The following APOB variants were observed in gnomAD, a reference collection of about 807,000 sequenced individuals.
The protein encoded by APOB is apolipoprotein B, also known as apolipoprotein B-100.
Under a neutral mutation model 314.1 loss-of-function variants are expected in APOB, and 153 were observed. The ratio of observed to expected loss-of-function variants is 0.49; its 90% confidence interval spans 0.43 to 0.56. APOB has a LOEUF of 0.56. APOB is among the 20% of genes least tolerant of loss of function. The probability of loss-of-function intolerance (pLI) is 0.00; values close to 1 mark genes in which losing one functional copy is unlikely to be tolerated. For missense variants in APOB, 5,430 were observed against 5,350.7 expected, an observed-to-expected ratio of 1.01 and a Z score of -0.46; for synonymous variants, 2,087 against 2,036.4, an observed-to-expected ratio of 1.02 and a Z score of -0.67.
At position 21,043,949 on chromosome 2, in the gene APOB, C is replaced by T. The variant is rs1202461993; in HGVS notation, c.-4G>A. 3.8e-6 allele frequency: 5 copies of T among 1,306,370 alleles called. No individual in the cohort carries two copies. Among genetic ancestry groups the T allele is most frequent in the Non-Finnish European group, 4.9e-6 (5 of 1,021,448 alleles). The allele number at this position is 1,306,370 out of a possible 1,614,324, so 80.9% of individuals were successfully genotyped here. ...GCGCGGGCCTCGGCGGGTCCATCGC[C>T]AGCTGCGGTGGGGCGGCTCCTGGGC... is the stretch of plus-strand genomic sequence containing the variant. On this transcript the variant is annotated 5_prime_UTR_variant, in exon 1 of 29. Transcript: ENST00000233242.
chr2:21,015,540 T>A lies in APOB; in HGVS notation c.3338A>T (p.Asp1113Val). 6.8e-6 allele frequency: 11 copies of A among 1,612,692 alleles called. No homozygotes were observed. The highest frequency in any genetic ancestry group is 9.3e-6 in the Non-Finnish European group (11 of 1,180,004). The change falls in exon 22 of 29, where the codon GAC (aspartate) becomes GTC (valine). Residue 1113 changes from aspartate (D) to valine (V), a missense_variant. Physicochemically the swap from Asp to Val is radical, Grantham distance 152 (BLOSUM62 -3). This residue lies in a region of APOB where 2,085 missense variants were observed against 2,079.7 expected (regional missense o/e 1.00). Coordinates refer to ENST00000233242, the MANE Select transcript of APOB (RefSeq NM_000384.3). ...CTTGATTTTTCTTTCTTCCTTTGTGTCACAACTATGGTAAAGAAAATCAGT... is the reference window on the plus strand; with the variant it reads ...CTTGATTTTTCTTTCTTCCTTTGTGACACAACTATGGTAAAGAAAATCAGT... ...EVALMGHLSCDTKEERKIKGV... is the reference protein window; with the variant it reads ...EVALMGHLSCVTKEERKIKGV...
rs959712256 is a variant in APOB, at chr2:21,042,391, A to G, written c.207T>C (p.Asp69=). ...AGTTGATCCTGGTGGCACTTCTTGAATCAGCAGTCCCAGGGACTCCACTGG... is the reference window on the plus strand; with the variant it reads ...AGTTGATCCTGGTGGCACTTCTTGAGTCAGCAGTCCCAGGGACTCCACTGG... The part of the protein sequence containing the change: ...ESSSGVPGTA[D]SRSATRINCK... The change falls in exon 3 of 29, where the codon GAT becomes GAC. Residue 69 remains aspartate, a synonymous_variant. Transcript: ENST00000233242. 6.2e-7 allele frequency: 1 copy of G among 1,613,916 alleles called. No homozygotes were observed. Among genetic ancestry groups the G allele is most frequent in the Non-Finnish European group, 8.5e-7 (1 of 1,179,892 alleles).
chr2:21,042,968 C>G (rs1037187299), intron 2 of APOB, among the ~76,000 whole-genome samples: 1 of 149,798 alleles, frequency 6.7e-6, no homozygotes, highest in African/African-American at 2.5e-5. Flanking sequence ...GAGGAATTTT[C>G]TGAACAATTG....
intron 17 of APOB, 94 bp from the exon 18 acceptor site, chr2:21,023,136 T>A (rs1663655731): frequency 1.8e-6 from 2 of 1,131,642 alleles, no homozygotes; most frequent in South Asian, 2.5e-5. Flanking sequence ...GGGCAAAGAT[T>A]TCCTGGATAA....
rs1051902442 is a variant in APOB at position 21,026,955 on chromosome 2, C to T, written c.2077G>A (p.Glu693Lys). 3 of 1,614,012 alleles carry T rather than the reference C, an allele frequency of 1.9e-6. No homozygotes were observed. Among genetic ancestry groups the T allele is most frequent in the Admixed American group, 3.3e-5 (2 of 60,000 alleles). ...AATGTTGGCTCAAAGCCTTTTCCTT[C>T]CAAGCCAATCTGAGAAAGAAAATCA... The part of the protein sequence containing the change: ...ASADLIEIGL[E>K]GKGFEPTLEA... The change falls in exon 15 of 29, where the codon GAA (glutamate) becomes AAA (lysine). Residue 693 changes from glutamate to lysine, a missense_variant. Glu to Lys is a moderately conservative substitution (Grantham distance 56, BLOSUM62 1). This residue lies in a region of APOB where 2,085 missense variants were observed against 2,079.7 expected (regional missense o/e 1.00). Coordinates refer to ENST00000233242, the MANE Select transcript of APOB (RefSeq NM_000384.3).
At position 21,008,019 on chromosome 2, in the gene APOB, A is replaced by G. The variant is rs141591543; in HGVS notation, c.8849T>C (p.Ile2950Thr). Residue 2950 changes from isoleucine (I) to threonine (T), a missense_variant, in exon 26 of 29, where the codon ATA becomes ACA. By Grantham distance (89) the Ile-to-Thr change is moderately conservative. Transcript: ENST00000233242. ...GTHESQISFTIEGPLTSFGLS... is the reference protein window; with the variant it reads ...GTHESQISFTTEGPLTSFGLS... The stretch of plus-strand genomic sequence containing the variant: ...TCCAAAGGAAGTGAGGGGTCCTTCT[A>G]TGGTGAAACTAATTTGTGATTCATG... 2.4e-5 allele frequency: 38 copies of G among 1,614,044 alleles called. No homozygotes were observed. In the East Asian group the frequency reaches 3.8e-4, roughly 16 times the overall value.
chr2:21,036,649 C>T (rs900304906), intron 6 of APOB, among the ~76,000 whole-genome samples: 1 of 152,134 alleles, frequency 6.6e-6, no homozygotes, highest in African/African-American at 2.4e-5. Context: ...CACTCCACTT[C>T]ATGGGATGAG....
At position 21,029,853 on chromosome 2, in the gene APOB, A is replaced by G. The variant is rs551454521; in HGVS notation, c.1470+45T>C. 4.3e-6 allele frequency: 7 copies of G among 1,610,966 alleles called. No individual in the cohort carries two copies. In the African/African-American group the frequency reaches 9.3e-5, roughly 21 times the overall value. ...GAGGGAAGTAAAAGGTGTCCAGGAA[A>G]AGTGCTTCTGAAATGATGTATGTCA... On this transcript the variant is annotated intron_variant, in intron 11 of 28. Coordinates refer to ENST00000233242, the MANE Select transcript of APOB (RefSeq NM_000384.3).
chr2:21,027,748 G>T, intron 14 of APOB, 80 bp downstream of exon 14: 1 of 1,099,100 alleles, frequency 9.1e-7, no homozygotes, highest in Non-Finnish European at 1.4e-6. Flanking sequence ...TTTCCTCTGG[G>T]TAGCTCCTGG....
intron 23 of APOB, 29 bp downstream of exon 23, chr2:21,015,044 T>A (rs1033015724): frequency 6.2e-7 from 1 of 1,602,044 alleles, no homozygotes; most frequent in Non-Finnish European, 8.5e-7. Context: ...TATATCCATG[T>A]ATTTATTGAC....
At chr2:21,026,142 T>C (rs758294596) in intron 15 of APOB, among the ~76,000 whole-genome samples, 1 of 152,230 alleles carries the variant, frequency 6.6e-6, no homozygotes, top group Non-Finnish European at 1.5e-5. Flanking sequence ...CTGTTATTAG[T>C]AGTCTGGGAT....
chr2:21,015,685 C>A (rs1663447647), intron 21 of APOB, 140 bp from the exon 22 acceptor site: 1 of 910,406 alleles, frequency 1.1e-6, no homozygotes, highest in Non-Finnish European at 1.7e-6. Context: ...TCAAACTCAT[C>A]AACTTCTAAA....
intron 3 of APOB, among the ~76,000 whole-genome samples, chr2:21,042,149 A>T (rs1664146386): frequency 6.6e-6 from 1 of 152,170 alleles, no homozygotes; most frequent in African/African-American, 2.4e-5. Flanking sequence ...CTGACTTGCG[A>T]AATTTGGTGG....
At position 21,042,280 on chromosome 2, in the gene APOB, G is replaced by A. The variant is rs1470115620; in HGVS notation, c.237+81C>T. 4 of 996,050 alleles carry A rather than the reference G, an allele frequency of 4.0e-6. No homozygotes were observed. The East Asian group carries it at 7.1e-5, about 18-fold the overall frequency. The allele number at this position is 996,050 out of a possible 1,614,324, so 61.7% of individuals were successfully genotyped here. ...TTGCTCAGTACACACCCTCCGGGAAGGTCGCGTGTTGGGCGCCCGCTGGAA... is the reference window on the plus strand; with the variant it reads ...TTGCTCAGTACACACCCTCCGGGAAAGTCGCGTGTTGGGCGCCCGCTGGAA... On this transcript the variant is annotated intron_variant, in intron 3 of 28. Transcript: ENST00000233242.
At chr2:21,035,786 G>A in intron 6 of APOB, 78 bp from the exon 7 acceptor site, 3 of 1,417,316 alleles carry the variant, frequency 2.1e-6, no homozygotes, top group Non-Finnish European at 3.0e-6. Context: ...CAAGGTAGAA[G>A]GGAGCAGGAG....
Position 21,009,655 on chromosome 2 carries a change from T to C in APOB, c.7213A>G (p.Asn2405Asp), listed in dbSNP as rs755568177. ...GFIDDAVKKL[N>D]ELSFKTFIED... is the part of the protein sequence containing the mutation. ...ATGAATGTTTTAAAAGATAATTCAT[T>C]AAGCTTCTTGACAGCATCATCAATA... Residue 2405 changes from asparagine to aspartate, a missense_variant, in exon 26 of 29, where the codon AAT becomes GAT. Transcript: ENST00000233242. 3.1e-6 allele frequency: 5 copies of C among 1,613,374 alleles called. No individual in the cohort carries two copies. Among genetic ancestry groups the C allele is most frequent in the Non-Finnish European group, 4.2e-6 (5 of 1,179,646 alleles).
chr2:21,008,329 CA>C lies in APOB; in HGVS notation c.8538del (p.Phe2846LeufsTer28). 1.2e-6 allele frequency: 2 copies of C among 1,612,710 alleles called. No individual in the cohort carries two copies. The highest frequency in any genetic ancestry group is 1.7e-6 in the Non-Finnish European group (2 of 1,179,106). ...RTEHGSEMLF[F>X]GNAIEGKSNT... ...TTTGATTTTCCCTCAATAGCATTTC[CA>C]AAAAACAGCATTTCACTCCCATGCT... On this transcript the variant is annotated frameshift_variant, in exon 26 of 29. Transcript: ENST00000233242. LOFTEE classifies it high-confidence loss of function.
intron 13 of APOB, 113 bp from the exon 14 acceptor site, chr2:21,028,178 G>T: frequency 1.8e-6 from 2 of 1,140,732 alleles, no homozygotes; most frequent in Non-Finnish European, 2.7e-6. Context: ...TGATTTCATT[G>T]ACCCTAAGTC....
chr2:21,023,645 G>A lies in APOB; in HGVS notation c.2484C>T (p.His828=). The A allele has an allele frequency of 6.2e-7, 1 of 1,613,534 alleles. No individual in the cohort carries two copies. ...RKGSKNDFFL[H]YIFMENAFEL... ...CAAAGGCATTCTCCATGAAGATGTA[G>A]TGAAGAAAAAAGTCATTCTTTGAGC... Residue 828 remains histidine (H), a synonymous_variant, in exon 17 of 29, where the codon CAC becomes CAT. Coordinates refer to ENST00000233242, the MANE Select transcript of APOB (RefSeq NM_000384.3).
Sources: gnomAD v4.1 joint callset for allele counts (sites outside exome capture counted in the v4.1 genomes callset) on GRCh38, gnomAD v4.1.1 for gene constraint, gnomAD v4.1.1 regional missense constraint, MANE v1.5 for transcripts, NCBI Gene and HGNC (gene_info 2026-07-23, HGNC 2026-07-21) for gene names.